Variants in RALGAPA1 observed in about 807,000 individuals in gnomAD.
The protein encoded by RALGAPA1 is ral GTPase-activating protein subunit alpha-1.
Under a neutral mutation model 269.6 loss-of-function variants are expected in RALGAPA1, and 52 were observed. The observed-to-expected ratio is 0.19, with a 90% CI of 0.15 to 0.24. RALGAPA1 has a LOEUF of 0.24. Ranked by LOEUF, RALGAPA1 falls within the 10% of genes least tolerant of loss-of-function variation. The pLI, the probability that RALGAPA1 is intolerant of heterozygous loss-of-function variation, is 1.00. For missense variants in RALGAPA1, 1,917 were observed against 3,013.9 expected (o/e 0.64, Z 8.52); for synonymous variants, 817 against 1,008.3 (o/e 0.81, Z 3.60).
chr14:35,731,123 A>G (rs185874943), intron 12 of RALGAPA1, among the ~76,000 whole-genome samples: 11 of 152,376 alleles, frequency 7.2e-5, no homozygotes, highest in African/African-American at 2.4e-4. Flanking sequence ...GGCTAGACAC[A>G]GAAGAGAGAC....
intron 37 of RALGAPA1, among the ~76,000 whole-genome samples, chr14:35,588,114 C>T (rs954490157): frequency 1.3e-5 from 2 of 152,090 alleles, no homozygotes; most frequent in African/African-American, 4.8e-5. Flanking sequence ...ACCATGTTGG[C>T]CAGGATGCTC....
At position 35,539,410 on chromosome 14, in the gene RALGAPA1, A is replaced by C. The variant is rs1216984231; in HGVS notation, c.*304T>G. 1.5e-6 allele frequency: 1 copy of C among 657,026 alleles called. No individual in the cohort carries two copies. The highest frequency in any genetic ancestry group is 3.7e-5 in the Admixed American group (1 of 26,870). 40.7% of individuals were successfully genotyped at this position (657,026 alleles called of 1,614,324 possible). On this transcript the variant is annotated 3_prime_UTR_variant, in exon 42 of 42. Coordinates refer to ENST00000680220, the MANE Select transcript of RALGAPA1 (RefSeq NM_001346249.2). ...GCTACAAATTATTTAAAATTATTTA[A>C]ATCCAGTGTTTTCTCAAATAAATGT...
At position 35,808,976 on chromosome 14, in the gene RALGAPA1, C is replaced by T. The variant is rs1324582800; in HGVS notation, c.-141G>A. The T allele has an allele frequency of 1.4e-6, 2 of 1,429,566 alleles. No individual in the cohort carries two copies. Among genetic ancestry groups the T allele is most frequent in the Non-Finnish European group, 1.8e-6 (2 of 1,091,068 alleles). The allele number at this position is 1,429,566 out of a possible 1,614,324, so 88.6% of individuals were successfully genotyped here. ...CCAGCCTTGCGGGCCAGGGCAGAGCCGACTCCTTCCCGATCCAGGCCAGGG... is the reference window on the plus strand; with the variant it reads ...CCAGCCTTGCGGGCCAGGGCAGAGCTGACTCCTTCCCGATCCAGGCCAGGG... On this transcript the variant is annotated 5_prime_UTR_variant, in exon 1 of 42. Transcript: ENST00000680220.
At chr14:35,764,869 A>C (rs1394286713) in intron 4 of RALGAPA1, among the ~76,000 whole-genome samples, 1 of 152,064 alleles carries the variant, frequency 6.6e-6, no homozygotes, top group Non-Finnish European at 1.5e-5. Context: ...AATATAATCA[A>C]TTTGCCAGTG....
intron 17 of RALGAPA1, among the ~76,000 whole-genome samples, chr14:35,691,754 T>G (rs761427251): frequency 6.6e-6 from 1 of 152,128 alleles, no homozygotes; most frequent in Non-Finnish European, 1.5e-5. Flanking sequence ...GAGATCAACA[T>G]AGGTTTGTAT....
At chr14:35,769,247 G>A (rs1346636186) in intron 4 of RALGAPA1, among the ~76,000 whole-genome samples, 2 of 151,620 alleles carry the variant, frequency 1.3e-5, no homozygotes, top group African/African-American at 4.9e-5. Context: ...AAGGATGAAA[G>A]CGGATATAGC....
At chr14:35,707,544 T>C (rs1212476779) in intron 16 of RALGAPA1, 2 of 152,224 alleles carry the variant, frequency 1.3e-5, no homozygotes, top group Non-Finnish European at 2.9e-5. Flanking sequence ...ATGTTTTTTC[T>C]GCATCTATTG....
At chr14:35,747,606 C>A (rs761479554) in intron 10 of RALGAPA1, among the ~76,000 whole-genome samples, 83 of 152,232 alleles carry the variant, frequency 5.5e-4, no homozygotes, top group Non-Finnish European at 9.4e-4. Context: ...CTAGAGAGCT[C>A]CCTGGAATGT....
At chr14:35,572,166 T>C (rs1203058962) in intron 38 of RALGAPA1, among the ~76,000 whole-genome samples, 1 of 152,218 alleles carries the variant, frequency 6.6e-6, no homozygotes, top group East Asian at 1.9e-4. Flanking sequence ...CTAATAATCA[T>C]GCAATCTTAA....
At chr14:35,588,481 T>C (rs1422579890) in intron 37 of RALGAPA1, among the ~76,000 whole-genome samples, 1 of 152,218 alleles carries the variant, frequency 6.6e-6, no homozygotes, top group Non-Finnish European at 1.5e-5. Context: ...AAAAAAGTCA[T>C]TTTAATAGAA....
intron 12 of RALGAPA1, among the ~76,000 whole-genome samples, chr14:35,736,223 T>A (rs1291754719): frequency 1.3e-5 from 2 of 152,102 alleles, no homozygotes; most frequent in East Asian, 1.9e-4. Flanking sequence ...TAGACAAACG[T>A]TAAGGGAAAT....
chr14:35,689,604 T>C lies in RALGAPA1; in HGVS notation c.2807A>G (p.Asp936Gly), dbSNP rs1016403873. 8.1e-6 allele frequency: 10 copies of C among 1,241,248 alleles called. No individual in the cohort carries two copies. Among genetic ancestry groups the C allele is most frequent in the Non-Finnish European group, 7.0e-6 (7 of 994,096 alleles). 76.9% of individuals were successfully genotyped at this position (1,241,248 alleles called of 1,614,324 possible). Residue 936 changes from aspartate to glycine, a missense_variant, in exon 18 of 42, where the codon GAT (aspartate) becomes GGT (glycine). Asp to Gly is a moderately conservative substitution (Grantham distance 94). Around this residue, in one of 11 missense-constraint regions of RALGAPA1, gnomAD observed 615 missense variants for 790.0 expected, o/e 0.78. Transcript: ENST00000680220. The stretch of plus-strand genomic sequence containing the variant: ...TTTCAGGGTGGAAAGAAGATCATCA[T>C]CTCCTTCAAGGTCAATGTACTGGAT... ...EQIQYIDLEG[D>G]DDLLSTLKEY...
At position 35,671,427 on chromosome 14, in the gene RALGAPA1, C is replaced by T. The variant is rs146957738; in HGVS notation, c.5164G>A (p.Val1722Ile). 7 of 1,611,238 alleles carry T rather than the reference C, an allele frequency of 4.3e-6. No individual in the cohort carries two copies. The African/African-American group carries it at 6.7e-5, about 15-fold the overall frequency. The stretch of plus-strand genomic sequence containing the variant: ...GAAGAAGCCACTCTACCAGCTGCTA[C>T]AATAAAATCCATAATAAGCATTGTG... The part of the protein sequence containing the change: ...GATMLIMDFI[V>I]AAGRVASSAF... Residue 1722 changes from valine (V) to isoleucine (I), a missense_variant, in exon 26 of 42, where the codon GTA becomes ATA. Coordinates refer to ENST00000680220, the MANE Select transcript of RALGAPA1 (RefSeq NM_001346249.2).
intron 39 of RALGAPA1, among the ~76,000 whole-genome samples, chr14:35,561,713 T>C (rs986991447): frequency 8.6e-5 from 13 of 152,020 alleles, no homozygotes; most frequent in Admixed American, 1.3e-4. Flanking sequence ...TTTCACTATA[T>C]AGCCCAGGCT....
At chr14:35,709,689 A>T (rs2068126371) in intron 16 of RALGAPA1, among the ~76,000 whole-genome samples, 1 of 151,948 alleles carries the variant, frequency 6.6e-6, no homozygotes, top group Non-Finnish European at 1.5e-5. Flanking sequence ...TATATTTTCA[A>T]TTCTGTACAT....
At chr14:35,794,389 A>G (rs951323115) in intron 1 of RALGAPA1, among the ~76,000 whole-genome samples, 4 of 152,168 alleles carry the variant, frequency 2.6e-5, no homozygotes, top group African/African-American at 7.2e-5. Flanking sequence ...TTTTATAGGC[A>G]GGTTACAGTT....
At chr14:35,571,808 G>C (rs930747425) in intron 38 of RALGAPA1, among the ~76,000 whole-genome samples, 1 of 152,194 alleles carries the variant, frequency 6.6e-6, no homozygotes. Flanking sequence ...TATGAAACCA[G>C]GCTATGGGCC....
chr14:35,781,575 AATCTATCTATCTATCT>A (rs34164383), intron 1 of RALGAPA1, among the ~76,000 whole-genome samples: 42 of 150,842 alleles, frequency 2.8e-4, no homozygotes, highest in Admixed American at 4.6e-4. Flanking sequence ...TAGAAAACTG[AATCTATCTATCTATCT>A]ATCTATCTAT....
At chr14:35,580,708 A>G (rs1392202503) in intron 37 of RALGAPA1, among the ~76,000 whole-genome samples, 2 of 152,212 alleles carry the variant, frequency 1.3e-5, no homozygotes, top group African/African-American at 2.4e-5. Context: ...TACAAATCAC[A>G]TATTTTAAAT....
Sources: gnomAD v4.1 joint callset for allele counts (sites outside exome capture counted in the v4.1 genomes callset) on GRCh38, gnomAD v4.1.1 for gene constraint, gnomAD v4.1.1 regional missense constraint, MANE v1.5 for transcripts, NCBI Gene and HGNC (gene_info 2026-07-23, HGNC 2026-07-21) for gene names.